ARFGEF2: variants seen among roughly 807,000 people sequenced by gnomAD.
The protein encoded by ARFGEF2 is ARF guanine nucleotide exchange factor 2.
In ARFGEF2, 74 loss-of-function variants were observed where a neutral mutation model predicts 219.9. The observed-to-expected ratio is 0.34, with a 90% CI of 0.28 to 0.41. The LOEUF is 0.41. Among genes scored for constraint, ARFGEF2 ranks in the 10% least tolerant of loss-of-function variants. The probability of loss-of-function intolerance (pLI) is 1.00; values close to 1 mark genes in which losing one functional copy is unlikely to be tolerated. For missense variants in ARFGEF2, 1,743 were observed against 2,218.3 expected (o/e 0.79, Z 4.30); for synonymous variants, 733 against 799.2 (o/e 0.92, Z 1.40).
chr20:49,015,004 T>C (rs1167791339), intron 30 of ARFGEF2, among the ~76,000 whole-genome samples: 2 of 152,228 alleles, frequency 1.3e-5, no homozygotes, highest in Non-Finnish European at 1.5e-5. Context: ...TTTTCTTCTA[T>C]GAAAATAGAA....
Position 49,013,709 on chromosome 20 carries a change from G to C in ARFGEF2, c.4049+15G>C. On this transcript the variant is annotated intron_variant, in intron 29 of 38. Coordinates refer to ENST00000371917, the MANE Select transcript of ARFGEF2 (RefSeq NM_006420.3). ...GTACGAACAAGGTAACCATGTTCCCGTGCGGTGGCCCCTTACATCACTGAA... is the reference window on the plus strand; with the variant it reads ...GTACGAACAAGGTAACCATGTTCCCCTGCGGTGGCCCCTTACATCACTGAA... 6.2e-7 allele frequency: 1 copy of C among 1,614,020 alleles called. No individual in the cohort carries two copies. Among genetic ancestry groups the C allele is most frequent in the Non-Finnish European group, 8.5e-7 (1 of 1,180,000 alleles).
At chr20:48,998,679 G>A (rs1440503435) in intron 25 of ARFGEF2, among the ~76,000 whole-genome samples, 174 bp downstream of exon 25, 1 of 152,102 alleles carries the variant, frequency 6.6e-6, no homozygotes, top group Non-Finnish European at 1.5e-5. Context: ...TATATTGGTA[G>A]CATTCATGTA....
At position 49,010,238 on chromosome 20, in the gene ARFGEF2, C is replaced by A. The variant is rs1487062365; in HGVS notation, c.3591C>A (p.Pro1197=). ...FEHIMKKNRS[P]TIRDMAIRCI... The stretch of plus-strand genomic sequence containing the variant: ...CGTCCCATTCTTTCCTCAGGTCTCC[C>A]ACCATCCGGGACATGGCGATCCGCT... Residue 1197 remains proline (P), a synonymous_variant, in exon 27 of 39, where the codon CCC becomes CCA. Coordinates refer to ENST00000371917, the MANE Select transcript of ARFGEF2 (RefSeq NM_006420.3). The A allele has an allele frequency of 6.2e-7, 1 of 1,613,282 alleles. No individual in the cohort carries two copies. Among genetic ancestry groups the A allele is most frequent in the South Asian group, 1.1e-5 (1 of 91,070 alleles).
chr20:49,005,017 G>A lies in ARFGEF2; in HGVS notation c.3433-53G>A, dbSNP rs4810910. On this transcript the variant is annotated intron_variant, in intron 25 of 38. Transcript: ENST00000371917. Reference sequence around the variant, plus strand: ...CCATCTTTGCTGTTGAGAGACCCACGTCGGTCATTATTACACTATACCTGT... The same window carrying A: ...CCATCTTTGCTGTTGAGAGACCCACATCGGTCATTATTACACTATACCTGT... 472,110 of 1,607,828 alleles carry A rather than the reference G, an allele frequency of 0.29. 72,066 individuals carry two copies. Among genetic ancestry groups the A allele is most frequent in the East Asian group, 0.45 (20,333 of 44,814 alleles).
rs141596938 is a variant in ARFGEF2, at chr20:48,971,327, T to C, written c.1398T>C (p.Phe466=). The C allele has an allele frequency of 1.4e-4, 224 of 1,614,188 alleles. 3 individuals are homozygous for C. In the African/African-American group the frequency reaches 2.8e-3, roughly 20 times the overall value. The change falls in exon 10 of 39, where the codon TTT becomes TTC. Residue 466 remains phenylalanine, a synonymous_variant. Transcript: ENST00000371917. ...TTTTTCTTACTCTTCTTTCAAACTT[T>C]AAAATGCACTTGAAAATGCAGATAG... The part of the protein sequence containing the change: ...LAIFLTLLSN[F]KMHLKMQIEV...
intron 6 of ARFGEF2, among the ~76,000 whole-genome samples, chr20:48,958,863 G>T (rs747381779): frequency 3.3e-5 from 5 of 152,150 alleles, no homozygotes; most frequent in Non-Finnish European, 7.3e-5. Flanking sequence ...ATGGCACCTC[G>T]CATTTGGCCC....
intron 21 of ARFGEF2, 70 bp downstream of exon 21, chr20:48,991,268 C>T: frequency 6.3e-7 from 1 of 1,592,608 alleles, no homozygotes; most frequent in Admixed American, 1.7e-5. Flanking sequence ...CATTGTTGAT[C>T]TCATTTGGTC....
At chr20:48,970,596 A>T (rs1045296250) in intron 9 of ARFGEF2, among the ~76,000 whole-genome samples, 8 of 152,214 alleles carry the variant, frequency 5.3e-5, no homozygotes, top group African/African-American at 1.7e-4. Context: ...GGACAAAAAG[A>T]GCAAAACTCC....
chr20:48,924,427 G>T (rs1223854716), intron 1 of ARFGEF2, among the ~76,000 whole-genome samples: 1 of 151,484 alleles, frequency 6.6e-6, no homozygotes, highest in African/African-American at 2.4e-5. Flanking sequence ...CAGGAGAATG[G>T]CGTGAACCCA....
rs201599602 is a variant in ARFGEF2 at position 48,989,704 on chromosome 20, A to G, written c.2814+20A>G. On this transcript the variant is annotated intron_variant, in intron 20 of 38. Transcript: ENST00000371917. ...ATGCAGGTAGGTGTAAGTCAGCAACACTCCAGAGATACTGGTGGGTTGTGC... is the reference window on the plus strand; with the variant it reads ...ATGCAGGTAGGTGTAAGTCAGCAACGCTCCAGAGATACTGGTGGGTTGTGC... The G allele has an allele frequency of 2.4e-5, 39 of 1,613,900 alleles. No individual in the cohort carries two copies. In the African/African-American group the frequency reaches 3.9e-4, roughly 16 times the overall value.
intron 36 of ARFGEF2, among the ~76,000 whole-genome samples, chr20:49,026,784 C>G (rs1242618995): frequency 6.6e-6 from 1 of 151,938 alleles, no homozygotes; most frequent in Non-Finnish European, 1.5e-5. Flanking sequence ...CAGGGTTTCA[C>G]CATGTTGGCC....
intron 8 of ARFGEF2, 31 bp from the exon 9 acceptor site, chr20:48,969,116 A>G (rs775422192): frequency 2.5e-6 from 4 of 1,609,096 alleles, no homozygotes; most frequent in Non-Finnish European, 3.4e-6. Flanking sequence ...GGGTGCCACC[A>G]CACCCAGCTG....
At position 48,969,633 on chromosome 20, in the gene ARFGEF2, T is replaced by G. The variant is rs559930336; in HGVS notation, c.1190+356T>G. Among the ~76,000 whole-genome samples the G allele has an allele frequency of 1.2e-4, 18 of 152,356 alleles. 1 individual carries two copies. The East Asian group carries it at 3.5e-3, about 29-fold the overall frequency. On this transcript the variant is annotated intron_variant, in intron 9 of 38. Coordinates refer to ENST00000371917, the MANE Select transcript of ARFGEF2 (RefSeq NM_006420.3). ...GATGCCTGCAAACCTCAGTTCCCTG[T>G]TCTGTTGGAAACCTCTGCTTCATCG...
Position 48,953,539 on chromosome 20 carries a change from C to A in ARFGEF2, c.604-17C>A. 1 of 1,610,240 alleles carries A rather than the reference C, an allele frequency of 6.2e-7. No individual in the cohort carries two copies. The highest frequency in any genetic ancestry group is 8.5e-7 in the Non-Finnish European group (1 of 1,176,492). ...TTCCTTACCAAAATGCTGTATCCCC[C>A]TTTTGTTGCCTTTTAGTTGCAGGAG... On this transcript the variant is annotated splice_polypyrimidine_tract_variant and intron_variant, in intron 5 of 38. Transcript: ENST00000371917.
At chr20:48,996,170 G>A (rs994869925) in intron 23 of ARFGEF2, among the ~76,000 whole-genome samples, 5 of 152,196 alleles carry the variant, frequency 3.3e-5, no homozygotes, top group Admixed American at 2.6e-4. Context: ...AAGAGTTTAG[G>A]ATTAAAAGCC....
At chr20:48,963,133 G>A (rs1203252960) in intron 6 of ARFGEF2, among the ~76,000 whole-genome samples, 1 of 144,070 alleles carries the variant, frequency 6.9e-6, no homozygotes, top group Non-Finnish European at 1.5e-5. Flanking sequence ...CTGGGATGGT[G>A]CCATTGCACT....
intron 1 of ARFGEF2, among the ~76,000 whole-genome samples, chr20:48,934,600 T>C (rs1026840867): frequency 6.6e-5 from 10 of 152,140 alleles, no homozygotes; most frequent in African/African-American, 2.4e-4. Context: ...TGAGAACATG[T>C]GGTGTTTGGT....
At chr20:48,991,785 T>A (rs1312162873) in intron 21 of ARFGEF2, among the ~76,000 whole-genome samples, 1 of 152,128 alleles carries the variant, frequency 6.6e-6, no homozygotes, top group Admixed American at 6.6e-5. Context: ...TTTTAAAAAG[T>A]ATGGTACAGC....
At chr20:48,922,071 C>T (rs1221490080) in intron 1 of ARFGEF2, 61 bp downstream of exon 1, 3 of 1,532,468 alleles carry the variant, frequency 2.0e-6, no homozygotes, top group East Asian at 5.0e-5. Context: ...GTTGCCCTAT[C>T]CTACTCGGCC....
Sources: allele counts gnomAD v4.1 joint callset (sites outside exome capture counted in the v4.1 genomes callset), GRCh38; gene constraint gnomAD v4.1.1; transcripts MANE v1.5; gene names NCBI Gene and HGNC (gene_info 2026-07-23, HGNC 2026-07-21).